Variants in RASEF observed in about 807,000 individuals in gnomAD.
RASEF encodes ras and EF-hand domain-containing protein.
RASEF carries 68 observed loss-of-function variants against 90.1 expected under a neutral mutation model. The observed-to-expected ratio is 0.75, with a 90% CI of 0.62 to 0.92. RASEF has a LOEUF of 0.92. Ranked by LOEUF, RASEF falls within the 40% of genes least tolerant of loss-of-function variation. RASEF has a pLI of 0.00. For missense variants in RASEF, 949 were observed against 937.2 expected (o/e 1.01, Z -0.16); for synonymous variants, 331 against 345.2 (o/e 0.96, Z 0.46).
intron 1 of RASEF, among the ~76,000 whole-genome samples, chr9:83,028,727 T>G (rs1168204653): frequency 6.6e-6 from 1 of 152,204 alleles, no homozygotes; most frequent in African/African-American, 2.4e-5. Context: ...TAAGGAAATG[T>G]ATATGCATCC....
the RASEF span, among the ~76,000 whole-genome samples, chr9:83,201,682 T>C: frequency 6.6e-6 from 1 of 152,062 alleles, no homozygotes; most frequent in Non-Finnish European, 1.5e-5. Flanking sequence ...ACTTAATATG[T>C]AGGTAAGGAA....
chr9:83,112,067 T>C, the RASEF span, among the ~76,000 whole-genome samples: 1 of 152,034 alleles, frequency 6.6e-6, no homozygotes, highest in Non-Finnish European at 1.5e-5. Context: ...AACTTTGCTA[T>C]TAAAGAGCAG....
At chr9:83,036,445 G>A (rs1829742733) in intron 1 of RASEF, among the ~76,000 whole-genome samples, 1 of 152,238 alleles carries the variant, frequency 6.6e-6, no homozygotes, top group Admixed American at 6.5e-5. Flanking sequence ...AAGTTGGATA[G>A]GCCTGCCTCA....
Position 83,000,335 on chromosome 9 carries a change from G to C in RASEF, c.1576-19C>G, listed in dbSNP as rs1163499236. The C allele has an allele frequency of 6.2e-7, 1 of 1,612,440 alleles. No individual in the cohort carries two copies. On this transcript the variant is annotated intron_variant, in intron 11 of 16. Coordinates refer to ENST00000376447, the MANE Select transcript of RASEF (RefSeq NM_152573.4). ...GGTCTGTCTGGGGGGAAAAGCCACAGTGAATGATAACGGTATTGCCAGTTT... is the reference window on the plus strand; with the variant it reads ...GGTCTGTCTGGGGGGAAAAGCCACACTGAATGATAACGGTATTGCCAGTTT...
At chr9:83,117,848 T>C in the RASEF span, among the ~76,000 whole-genome samples, 1 of 152,322 alleles carries the variant, frequency 6.6e-6, no homozygotes, top group South Asian at 2.1e-4. Context: ...TTGGGGAAAG[T>C]CTGCAGTTAT....
At chr9:83,012,565 G>A in intron 4 of RASEF, 54 bp from the exon 5 acceptor site, 1 of 1,119,086 alleles carries the variant, frequency 8.9e-7, no homozygotes. Context: ...AATTGCTTTG[G>A]TTAAGTTTAG....
intron 1 of RASEF, among the ~76,000 whole-genome samples, chr9:83,035,151 A>C (rs2118614512): frequency 6.6e-6 from 1 of 152,328 alleles, no homozygotes; most frequent in South Asian, 2.1e-4. Flanking sequence ...AGTCTGCAAA[A>C]GTTATAGTCC....
At position 82,996,997 on chromosome 9, in the gene RASEF, A is replaced by G; in HGVS notation, c.1920+15T>C. On this transcript the variant is annotated intron_variant, in intron 14 of 16. Transcript: ENST00000376447. ...TCCTCGTGTAATTTTCTGTTTCTCCATTATGATTTCTTACCTCAATCATAT... is the reference window on the plus strand; with the variant it reads ...TCCTCGTGTAATTTTCTGTTTCTCCGTTATGATTTCTTACCTCAATCATAT... 1 of 1,423,624 alleles carries G rather than the reference A, an allele frequency of 7.0e-7. No homozygotes were observed. The highest frequency in any genetic ancestry group is 9.9e-7 in the Non-Finnish European group (1 of 1,006,786). 88.2% of individuals were successfully genotyped at this position (1,423,624 alleles called of 1,614,324 possible).
the RASEF span, among the ~76,000 whole-genome samples, chr9:83,078,523 G>A: frequency 6.6e-6 from 1 of 152,106 alleles, no homozygotes; most frequent in Admixed American, 6.5e-5. Context: ...AATTGGTCGG[G>A]CGTGGTGGCG....
the RASEF span, among the ~76,000 whole-genome samples, chr9:83,071,688 G>A: frequency 2.6e-5 from 4 of 152,280 alleles, no homozygotes; most frequent in South Asian, 8.3e-4. Flanking sequence ...TTACAGGTGT[G>A]AGCCACTGCA....
At chr9:83,017,417 G>A (rs374960868) in intron 3 of RASEF, among the ~76,000 whole-genome samples, 43 of 151,822 alleles carry the variant, frequency 2.8e-4, no homozygotes, top group African/African-American at 9.2e-4. Flanking sequence ...GGAGAATGGC[G>A]TGAACCCGGG....
chr9:83,116,551 G>C, the RASEF span, among the ~76,000 whole-genome samples: 1 of 152,128 alleles, frequency 6.6e-6, no homozygotes, highest in Non-Finnish European at 1.5e-5. Flanking sequence ...ATCAAAGTAG[G>C]CTGTAAGAAA....
upstream of RASEF, among the ~76,000 whole-genome samples, chr9:83,067,616 C>G (rs891299071): frequency 6.6e-6 from 1 of 152,150 alleles, no homozygotes; most frequent in Non-Finnish European, 1.5e-5. Flanking sequence ...TGGCAGTTAT[C>G]AGACTTTGGA....
the RASEF span, among the ~76,000 whole-genome samples, chr9:83,139,395 G>A: frequency 2.6e-5 from 4 of 152,048 alleles, no homozygotes; most frequent in Non-Finnish European, 5.9e-5. Flanking sequence ...ACTATTAATA[G>A]CCTACTATTG....
At chr9:83,109,460 C>T in the RASEF span, among the ~76,000 whole-genome samples, 1 of 152,128 alleles carries the variant, frequency 6.6e-6, no homozygotes, top group African/African-American at 2.4e-5. Context: ...CTTATTAGCA[C>T]CATTTATTGT....
intron 3 of RASEF, among the ~76,000 whole-genome samples, chr9:83,016,850 C>A (rs968691715): frequency 2.0e-5 from 3 of 152,144 alleles, no homozygotes; most frequent in African/African-American, 7.2e-5. Flanking sequence ...GGCTGTGGAG[C>A]TGGGCAAGTT....
At chr9:83,035,549 G>A (rs561653713) in intron 1 of RASEF, among the ~76,000 whole-genome samples, 7 of 152,154 alleles carry the variant, frequency 4.6e-5, no homozygotes, top group East Asian at 3.9e-4. Context: ...TGTGCTATAC[G>A]TGTGTACATG....
the RASEF span, among the ~76,000 whole-genome samples, chr9:83,219,048 T>C: frequency 6.6e-6 from 1 of 152,184 alleles, no homozygotes; most frequent in Non-Finnish European, 1.5e-5. Context: ...ACATATATTC[T>C]ACCCACCGAA....
intron 2 of RASEF, among the ~76,000 whole-genome samples, chr9:83,023,261 C>T (rs1271467182): frequency 6.6e-6 from 1 of 152,108 alleles, no homozygotes; most frequent in Non-Finnish European, 1.5e-5. Context: ...ATAAGGTTAC[C>T]TTTTAGAAAA....
Sources: gnomAD v4.1 joint callset for allele counts (sites outside exome capture counted in the v4.1 genomes callset) on GRCh38, gnomAD v4.1.1 for gene constraint, MANE v1.5 for transcripts, NCBI Gene and HGNC (gene_info 2026-07-23, HGNC 2026-07-21) for gene names.